SLC4A4: variants seen among roughly 807,000 people sequenced by gnomAD.
The protein encoded by SLC4A4 is solute carrier family 4 member 4.
A neutral mutation model predicts 111.5 loss-of-function variants in SLC4A4; 27 were observed. The ratio of observed to expected loss-of-function variants is 0.24; its 90% CI spans 0.18 to 0.33. The LOEUF is 0.33. Ranked by LOEUF, SLC4A4 falls within the 10% of genes least tolerant of loss-of-function variation. The pLI, the probability that SLC4A4 is intolerant of heterozygous loss-of-function variation, is 1.00. For synonymous variants in SLC4A4, 443 were observed against 463.4 expected, an observed-to-expected ratio of 0.96 and a Z score of 0.57; for missense variants, 909 against 1,315.5, an observed-to-expected ratio of 0.69 and a Z score of 4.78.
intron 2 of SLC4A4, among the ~76,000 whole-genome samples, chr4:71,099,053 C>T (rs6447019): frequency 0.026 from 4,011 of 152,218 alleles, 75 homozygotes; most frequent in Middle Eastern, 0.041. Context: ...AGATCATTGA[C>T]GCAGAACATT....
chr4:71,409,148 G>C (rs1165595003), intron 7 of SLC4A4, among the ~76,000 whole-genome samples: 6 of 152,158 alleles, frequency 3.9e-5, no homozygotes, highest in African/African-American at 1.4e-4. Context: ...TTTATCAGCA[G>C]CATGAAAACT....
chr4:71,517,156 T>C (rs1325702716), intron 16 of SLC4A4, among the ~76,000 whole-genome samples: 1 of 152,168 alleles, frequency 6.6e-6, no homozygotes, highest in African/African-American at 2.4e-5. Flanking sequence ...AAATATTTTC[T>C]GCTATTATTT....
At chr4:71,215,194 G>A (rs964583554) in intron 1 of SLC4A4, among the ~76,000 whole-genome samples, 1 of 152,072 alleles carries the variant, frequency 6.6e-6, no homozygotes, top group Admixed American at 6.5e-5. Context: ...CCTCAATCTT[G>A]TTGATAGTAC....
chr4:71,159,326 A>ATC (rs996768282), intron 2 of SLC4A4, among the ~76,000 whole-genome samples: 1 of 151,904 alleles, frequency 6.6e-6, no homozygotes, highest in South Asian at 2.1e-4. Context: ...AAATTTTTCT[A>ATC]TCTCTCTCTT....
intron 23 of SLC4A4, among the ~76,000 whole-genome samples, chr4:71,561,876 T>C (rs1045270130): frequency 1.3e-5 from 2 of 151,842 alleles, no homozygotes; most frequent in African/African-American, 4.8e-5. Context: ...TGTCAACTTA[T>C]GTACCTGGAC....
At chr4:71,489,765 T>C (rs896101400) in intron 15 of SLC4A4, among the ~76,000 whole-genome samples, 5 of 151,692 alleles carry the variant, frequency 3.3e-5, no homozygotes, top group African/African-American at 9.7e-5. Flanking sequence ...ATTTCAGCCA[T>C]AATTAGATTG....
At chr4:71,347,051 G>C (rs1436407897) in intron 4 of SLC4A4, among the ~76,000 whole-genome samples, 1 of 152,024 alleles carries the variant, frequency 6.6e-6, no homozygotes, top group Non-Finnish European at 1.5e-5. Flanking sequence ...ATTCCTTTAT[G>C]GTTAAATCTT....
chr4:71,274,414 G>A (rs1227545338), intron 3 of SLC4A4, among the ~76,000 whole-genome samples: 46 of 152,188 alleles, frequency 3.0e-4, no homozygotes, highest in Non-Finnish European at 1.0e-4. Context: ...TGCCATATGA[G>A]ATTTCCCATT....
intron 5 of SLC4A4, among the ~76,000 whole-genome samples, chr4:71,354,509 T>TG (rs1490321016): frequency 6.6e-6 from 1 of 152,184 alleles, no homozygotes; most frequent in Non-Finnish European, 1.5e-5. Flanking sequence ...TTTCACATCA[T>TG]GGGGGTTGAT....
intron 1 of SLC4A4, among the ~76,000 whole-genome samples, chr4:71,088,547 T>C (rs998982162): frequency 2.0e-5 from 3 of 152,070 alleles, no homozygotes; most frequent in Admixed American, 1.3e-4. Context: ...TGGTACCAGT[T>C]GTTCCTTTCC....
intron 20 of SLC4A4, 125 bp downstream of exon 20, chr4:71,547,845 G>A (rs1477913930): frequency 1.2e-6 from 1 of 829,588 alleles, no homozygotes; most frequent in Non-Finnish European, 2.1e-6. Context: ...CACTGAAGCA[G>A]GGGTCAAGTA....
intron 12 of SLC4A4, among the ~76,000 whole-genome samples, chr4:71,463,781 T>C (rs1727061039): frequency 6.6e-6 from 1 of 152,116 alleles, no homozygotes; most frequent in South Asian, 2.1e-4. Flanking sequence ...ACAGACCACA[T>C]GTAGAGATGG....
At chr4:71,433,639 T>A (rs932415290) in intron 7 of SLC4A4, among the ~76,000 whole-genome samples, 4 of 152,166 alleles carry the variant, frequency 2.6e-5, no homozygotes, top group Non-Finnish European at 5.9e-5. Context: ...TTAGTTTAAT[T>A]AGATCCCGTT....
At chr4:71,144,153 C>T (rs1421097987) in intron 2 of SLC4A4, among the ~76,000 whole-genome samples, 1 of 152,146 alleles carries the variant, frequency 6.6e-6, no homozygotes. Flanking sequence ...CCAGTTTCAG[C>T]TTTCTACATA....
intron 7 of SLC4A4, among the ~76,000 whole-genome samples, chr4:71,413,926 A>C (rs970624078): frequency 6.6e-6 from 1 of 151,992 alleles, no homozygotes; most frequent in African/African-American, 2.4e-5. Context: ...CAAATTTCCC[A>C]TTTCTTGAGC....
At chr4:71,231,128 C>T (rs545427067) in intron 1 of SLC4A4, among the ~76,000 whole-genome samples, 45 of 152,252 alleles carry the variant, frequency 3.0e-4, no homozygotes, top group African/African-American at 1.0e-3. Flanking sequence ...GCAAGTAAGG[C>T]GAATCTAAAG....
At chr4:71,567,154 G>A in intron 25 of SLC4A4, 71 bp downstream of exon 25, 1 of 1,187,192 alleles carries the variant, frequency 8.4e-7, no homozygotes, top group South Asian at 1.3e-5. Flanking sequence ...TTAATGGTGG[G>A]TTATTGACAG....
At chr4:71,384,465 A>G (rs555780588) in intron 6 of SLC4A4, among the ~76,000 whole-genome samples, 82 of 152,148 alleles carry the variant, frequency 5.4e-4, no homozygotes, top group African/African-American at 2.0e-3. Context: ...AGTCAGCAAG[A>G]CCTGAGGAGT....
intron 1 of SLC4A4, among the ~76,000 whole-genome samples, chr4:71,065,463 A>G (rs766442739): frequency 1.5e-4 from 23 of 152,116 alleles, no homozygotes; most frequent in Non-Finnish European, 2.9e-4. Flanking sequence ...TATACTTGCT[A>G]ATGGTATGAT....
Sources: allele counts gnomAD v4.1 joint callset (sites outside exome capture counted in the v4.1 genomes callset), GRCh38; gene constraint gnomAD v4.1.1; transcripts MANE v1.5; gene names NCBI Gene and HGNC (gene_info 2026-07-23, HGNC 2026-07-21).